PCED1B: variants seen among roughly 807,000 people sequenced by gnomAD.
The protein encoded by PCED1B is PC-esterase domain containing 1B.
For synonymous variants in PCED1B, 251 were observed against 246.1 expected, an observed-to-expected ratio of 1.02 and a Z score of -0.19; for missense variants, 573 against 573.9, an observed-to-expected ratio of 1.00 and a Z score of 0.02.
chr12:47,199,016 C>G lies in PCED1B; in HGVS notation c.-525-17206C>G, dbSNP rs187675571. 5.3e-5 allele frequency among the ~76,000 whole-genome samples: 8 copies of G among 151,458 alleles called. No homozygotes were observed. In the East Asian group the frequency reaches 1.4e-3, roughly 26 times the overall value. ...GAAAAGAAGGAAAATCCCAAAGAAT[C>G]AACAACAGCAAAAAACCATCCTGGA... On this transcript the variant is annotated intron_variant, in intron 2 of 3. Coordinates refer to ENST00000546455, the MANE Select transcript of PCED1B (RefSeq NM_138371.3).
chr12:47,233,216 G>T (rs982225565), intron 3 of PCED1B, among the ~76,000 whole-genome samples: 4 of 151,110 alleles, frequency 2.6e-5, no homozygotes, highest in African/African-American at 9.7e-5. Flanking sequence ...ACAATTTTTG[G>T]CACGATCTTG....
At chr12:47,155,863 A>G (rs1941177288) in intron 2 of PCED1B, among the ~76,000 whole-genome samples, 1 of 152,224 alleles carries the variant, frequency 6.6e-6, no homozygotes, top group Non-Finnish European at 1.5e-5. Context: ...CCCACCCATC[A>G]CACAGTTGTC....
At chr12:47,225,854 T>C (rs544675312) in intron 3 of PCED1B, among the ~76,000 whole-genome samples, 1 of 152,308 alleles carries the variant, frequency 6.6e-6, no homozygotes, top group African/African-American at 2.4e-5. Flanking sequence ...AGCAACTGGC[T>C]TATTTCAGTG....
intron 2 of PCED1B, among the ~76,000 whole-genome samples, chr12:47,167,955 G>A (rs954918946): frequency 1.3e-5 from 2 of 152,170 alleles, no homozygotes; most frequent in Non-Finnish European, 2.9e-5. Context: ...GTCGGGAAAG[G>A]GGCAAGGAGT....
At position 47,235,046 on chromosome 12, in the gene PCED1B, C is replaced by A; in HGVS notation, c.-18C>A. On this transcript the variant is annotated 5_prime_UTR_variant, in exon 4 of 4. In the 5' UTR this introduces an upstream ATG that the reference lacks. Coordinates refer to ENST00000546455, the MANE Select transcript of PCED1B (RefSeq NM_138371.3). Reference sequence around the variant, plus strand: ...ATCCTGTGCAAAGGAAGGAGCTAGGCTGTGCGCCCTGGGCGTCATGATCCT... The same window carrying A: ...ATCCTGTGCAAAGGAAGGAGCTAGGATGTGCGCCCTGGGCGTCATGATCCT... 1 of 1,521,058 alleles carries A rather than the reference C, an allele frequency of 6.6e-7. No homozygotes were observed. Among genetic ancestry groups the A allele is most frequent in the Non-Finnish European group, 8.8e-7 (1 of 1,136,378 alleles). The allele number at this position is 1,521,058 out of a possible 1,614,324, so 94.2% of individuals were successfully genotyped here. A position where few individuals can be genotyped will look rare whatever the true frequency, so the allele number is the denominator to read the frequency against.
intron 2 of PCED1B, chr12:47,208,706 A>G (rs1258221711): frequency 6.6e-6 from 1 of 151,988 alleles, no homozygotes; most frequent in African/African-American, 2.4e-5. Flanking sequence ...GGGTCTCACT[A>G]TGTTGCCTAG....
At chr12:47,226,508 G>A (rs538036963) in intron 3 of PCED1B, among the ~76,000 whole-genome samples, 7 of 152,246 alleles carry the variant, frequency 4.6e-5, no homozygotes, top group East Asian at 3.9e-4. Flanking sequence ...TGAGTAGCTC[G>A]GATTACAGGC....
At chr12:47,118,945 T>G (rs1179931748) in intron 2 of PCED1B, among the ~76,000 whole-genome samples, 2 of 152,166 alleles carry the variant, frequency 1.3e-5, no homozygotes, top group Admixed American at 1.3e-4. Context: ...TTTATTCTCT[T>G]TGAAGCAATT....
chr12:47,135,665 G>C (rs1592185461), intron 2 of PCED1B: 1 of 518,086 alleles, frequency 1.9e-6, no homozygotes, highest in East Asian at 5.3e-5. Flanking sequence ...TCACAGAGTA[G>C]ATGAATGCTA....
chr12:47,129,590 TA>T (rs147124501), intron 2 of PCED1B, among the ~76,000 whole-genome samples: 32,837 of 150,958 alleles, frequency 0.22, 4,619 homozygotes, highest in Non-Finnish European at 0.31. Context: ...CCTAGCCAAT[TA>T]AAAAAAAAAT....
At chr12:47,130,225 A>G (rs1525447) in intron 2 of PCED1B, among the ~76,000 whole-genome samples, 33,996 of 152,152 alleles carry the variant, frequency 0.22, 7,185 homozygotes, top group African/African-American at 0.56. Context: ...TAAAATAAAA[A>G]GTCACTTAAT....
chr12:47,084,790 C>T (rs1170539968), intron 1 of PCED1B, among the ~76,000 whole-genome samples: 15 of 152,140 alleles, frequency 9.9e-5, no homozygotes, highest in Admixed American at 9.8e-4. Flanking sequence ...AGAAACCTAC[C>T]AAAATTACAA....
chr12:47,232,951 T>TTTAATTTAG (rs1565617679), intron 3 of PCED1B, among the ~76,000 whole-genome samples: 12 of 151,382 alleles, frequency 7.9e-5, no homozygotes, highest in Non-Finnish European at 1.2e-4. Flanking sequence ...ATTTAATTTA[T>TTTAATTTAG]TTAGAGATGG....
intron 3 of PCED1B, among the ~76,000 whole-genome samples, chr12:47,232,990 G>T (rs1183614301): frequency 2.6e-5 from 4 of 151,874 alleles, no homozygotes; most frequent in African/African-American, 9.7e-5. Flanking sequence ...AGGCGGGAGT[G>T]AAGTAGCTGG....
intron 2 of PCED1B, among the ~76,000 whole-genome samples, chr12:47,159,194 C>T (rs544471111): frequency 6.6e-5 from 10 of 152,274 alleles, no homozygotes; most frequent in African/African-American, 2.2e-4. Context: ...GTGAATACTG[C>T]AGTAAACATG....
intron 2 of PCED1B, among the ~76,000 whole-genome samples, chr12:47,171,470 C>A (rs939726825): frequency 1.3e-5 from 2 of 152,088 alleles, no homozygotes; most frequent in African/African-American, 4.8e-5. Context: ...TTAAAGATTG[C>A]TTATTTAGCT....
chr12:47,083,974 T>C (rs1937862635), intron 1 of PCED1B, among the ~76,000 whole-genome samples: 1 of 152,194 alleles, frequency 6.6e-6, no homozygotes, highest in Admixed American at 6.5e-5. Context: ...ATTGTAACAA[T>C]TTTAAAGTGC....
At chr12:47,081,530 A>C (rs1252791920) in intron 1 of PCED1B, among the ~76,000 whole-genome samples, 1 of 152,236 alleles carries the variant, frequency 6.6e-6, no homozygotes, top group Non-Finnish European at 1.5e-5. Context: ...GAATTTTATC[A>C]TAAGAACACA....
chr12:47,138,888 C>T (rs1466773042), intron 2 of PCED1B, among the ~76,000 whole-genome samples: 1 of 152,206 alleles, frequency 6.6e-6, no homozygotes, highest in Non-Finnish European at 1.5e-5. Context: ...TTCCAATAGA[C>T]TGTATGTCCT....
Sources: gnomAD v4.1 joint callset for allele counts (sites outside exome capture counted in the v4.1 genomes callset) on GRCh38, gnomAD v4.1.1 for gene constraint, MANE v1.5 for transcripts, NCBI Gene and HGNC (gene_info 2026-07-23, HGNC 2026-07-21) for gene names.